Variants in CFAP96 observed in about 807,000 individuals in gnomAD.
CFAP96 encodes cilia and flagella associated protein 96, also known as cilia-and flagella-associated protein 96.
chr4:185,440,018 CATAT>C, the CFAP96 span, among the ~76,000 whole-genome samples: 5 of 124,758 alleles, frequency 4.0e-5, no homozygotes, highest in Non-Finnish European at 8.5e-5. Flanking sequence ...TAGATAATCT[CATAT>C]ATACATATAA....
At chr4:185,434,741 A>G in the CFAP96 span, among the ~76,000 whole-genome samples, 1 of 150,372 alleles carries the variant, frequency 6.7e-6, no homozygotes, top group African/African-American at 2.4e-5. Context: ...TTTATTATAT[A>G]TATATTTATT....
the CFAP96 span, among the ~76,000 whole-genome samples, chr4:185,417,492 G>T: frequency 6.6e-6 from 1 of 152,080 alleles, no homozygotes. Context: ...AGAATCCATT[G>T]TATCCCTAAA....
chr4:185,443,528 T>C, the CFAP96 span, among the ~76,000 whole-genome samples: 1 of 150,602 alleles, frequency 6.6e-6, no homozygotes, highest in South Asian at 2.1e-4. Flanking sequence ...TTTGTATTTT[T>C]AGTAGAGACA....
chr4:185,444,939 T>G, the CFAP96 span: 1 of 1,539,998 alleles, frequency 6.5e-7, no homozygotes, highest in Non-Finnish European at 8.8e-7. Flanking sequence ...AAAATCACAT[T>G]AAGTTGTCTC....
the CFAP96 span, among the ~76,000 whole-genome samples, chr4:185,433,976 T>C: frequency 6.6e-6 from 1 of 152,226 alleles, no homozygotes; most frequent in East Asian, 1.9e-4. Flanking sequence ...CCCAGCACCT[T>C]GGGAGGCTGA....
chr4:185,410,141 TAAAAC>T, the CFAP96 span, among the ~76,000 whole-genome samples: 3 of 150,662 alleles, frequency 2.0e-5, no homozygotes, highest in African/African-American at 7.3e-5. Context: ...AGAAACCAGT[TAAAAC>T]AAGAAGAAAA....
the CFAP96 span, chr4:185,436,039 AT>A: frequency 6.6e-7 from 1 of 1,514,056 alleles, no homozygotes; most frequent in Non-Finnish European, 8.8e-7. Context: ...AAAAAATTGT[AT>A]TTAAGATGTG....
the CFAP96 span, among the ~76,000 whole-genome samples, chr4:185,438,975 C>T: frequency 6.6e-6 from 1 of 152,288 alleles, no homozygotes; most frequent in Admixed American, 6.5e-5. Context: ...ATAGTTTTCT[C>T]ATACGTCTGC....
the CFAP96 span, among the ~76,000 whole-genome samples, chr4:185,418,245 G>C: frequency 6.6e-6 from 1 of 152,046 alleles, no homozygotes; most frequent in Non-Finnish European, 1.5e-5. Context: ...AAACCCTTTT[G>C]AGATTATGTA....
At chr4:185,409,410 G>C in the CFAP96 span, among the ~76,000 whole-genome samples, 1 of 151,940 alleles carries the variant, frequency 6.6e-6, no homozygotes. Context: ...GGTTGGTCTT[G>C]AACTTCTAGG....
chr4:185,417,524 C>A, the CFAP96 span, among the ~76,000 whole-genome samples: 1 of 152,184 alleles, frequency 6.6e-6, no homozygotes, highest in Non-Finnish European at 1.5e-5. Flanking sequence ...TGCAATCCCT[C>A]TTCTCTATTT....
the CFAP96 span, among the ~76,000 whole-genome samples, chr4:185,438,267 TA>T: frequency 5.3e-5 from 8 of 152,070 alleles, no homozygotes; most frequent in Non-Finnish European, 1.2e-4. Context: ...CCTATTAACT[TA>T]AAAAAAAGTC....
chr4:185,431,397 C>G, the CFAP96 span, among the ~76,000 whole-genome samples: 1 of 152,170 alleles, frequency 6.6e-6, no homozygotes, highest in Admixed American at 6.5e-5. Flanking sequence ...AATTACTGGG[C>G]TACTAGTATT....
chr4:185,419,049 A>G, the CFAP96 span, among the ~76,000 whole-genome samples: 1 of 152,148 alleles, frequency 6.6e-6, no homozygotes, highest in Non-Finnish European at 1.5e-5. Context: ...CATCACTCCA[A>G]AAAGAAACCC....
At chr4:185,415,964 G>A in the CFAP96 span, 1 of 1,103,888 alleles carries the variant, frequency 9.1e-7, no homozygotes, top group Non-Finnish European at 1.2e-6. Flanking sequence ...TTATTATTAA[G>A]AAAAAAATTT....
At chr4:185,411,752 T>C in the CFAP96 span, among the ~76,000 whole-genome samples, 4 of 152,206 alleles carry the variant, frequency 2.6e-5, no homozygotes, top group African/African-American at 9.6e-5. Context: ...GGAATGTTCA[T>C]TGTCTAAACA....
the CFAP96 span, chr4:185,425,817 C>T: frequency 6.3e-7 from 1 of 1,589,924 alleles, no homozygotes; most frequent in Non-Finnish European, 8.6e-7. Context: ...TGGCGGCTGC[C>T]AAAGTCCGGG....
the CFAP96 span, among the ~76,000 whole-genome samples, chr4:185,448,928 C>G: frequency 1.3e-5 from 2 of 152,040 alleles, no homozygotes. Flanking sequence ...TGAATTTTAT[C>G]TTCCGTTTAG....
At chr4:185,443,332 A>ATG in the CFAP96 span, among the ~76,000 whole-genome samples, 1 of 30,052 alleles carries the variant, frequency 3.3e-5, no homozygotes, top group East Asian at 1.3e-3. Flanking sequence ...ATATATATAT[A>ATG]TATATATATA....
Sources: gnomAD v4.1 joint callset for allele counts (sites outside exome capture counted in the v4.1 genomes callset) on GRCh38, gnomAD v4.1.1 for gene constraint, MANE v1.5 for transcripts, NCBI Gene and HGNC (gene_info 2026-07-23, HGNC 2026-07-21) for gene names.